The following SAA1 variants were observed in gnomAD, a reference collection of about 807,000 sequenced individuals.
The protein encoded by SAA1 is serum amyloid A-1 protein.
A neutral mutation model predicts 9.8 loss-of-function variants in SAA1; 4 were observed. That is an observed-to-expected ratio of 0.41 (90% CI 0.20 to 0.93). The LOEUF (loss-of-function observed/expected upper bound fraction) is 0.93. SAA1 is among the 40% of genes least tolerant of loss of function. The pLI is 0.33. For synonymous variants in SAA1, 47 were observed against 57.7 expected, an observed-to-expected ratio of 0.82 and a Z score of 0.84; for missense variants, 114 against 155.5, an observed-to-expected ratio of 0.73 and a Z score of 1.42.
intron 2 of SAA1, 52 bp from the exon 3 acceptor site, chr11:18,269,143 T>C: frequency 6.2e-7 from 1 of 1,603,796 alleles, no homozygotes; most frequent in Non-Finnish European, 8.5e-7. Context: ...AAGGTGTTGT[T>C]GGAGTCTTTA....
rs1434768962 is a variant in SAA1 at position 18,268,774 on chromosome 11, G to A, written c.92-421G>A. ...CTTGAACCTGGGAGGTGGAGGTTGC[G>A]ATGAGCTGAGATAGCACCACTGCAC... On this transcript the variant is annotated intron_variant, in intron 2 of 3. Transcript: ENST00000356524. 6.2e-5 allele frequency among the ~76,000 whole-genome samples: 9 copies of A among 144,656 alleles called. No individual in the cohort carries two copies. The South Asian group carries it at 1.6e-3, about 25-fold the overall frequency. 94.9% of individuals were successfully genotyped at this position (144,656 alleles called of 152,430 possible). A position where few individuals can be genotyped will look rare whatever the true frequency, so the allele number is the denominator to read the frequency against.
rs15790 is a variant in SAA1 at position 18,269,765 on chromosome 11, C to A, written c.279C>A (p.Asp93Glu). The change falls in exon 4 of 4, where the codon GAC becomes GAA. Residue 93 changes from aspartate to glutamate, a missense_variant. By Grantham distance (45) the Asp-to-Glu change is conservative. Around this residue, in one of 2 missense-constraint regions of SAA1, gnomAD observed 68 missense variants for 54.7 expected, o/e 1.24. Transcript: ENST00000356524. ...GATTCTTTGGCCATGGTGCGGAGGACTCGCTGGCTGATCAGGCTGCCAATG... is the reference window on the plus strand; with the variant it reads ...GATTCTTTGGCCATGGTGCGGAGGAATCGCTGGCTGATCAGGCTGCCAATG... Reference protein sequence around the residue: ...IQRFFGHGAEDSLADQAANEW... With the variant: ...IQRFFGHGAEESLADQAANEW... 6.2e-7 allele frequency: 1 copy of A among 1,613,844 alleles called. No individual in the cohort carries two copies.
Position 18,269,953 on chromosome 11 carries a change from A to T in SAA1, c.*98A>T, listed in dbSNP as rs1858177915. On this transcript the variant is annotated 3_prime_UTR_variant, in exon 4 of 4. Coordinates refer to ENST00000356524, the MANE Select transcript of SAA1 (RefSeq NM_199161.5). Reference sequence around the variant, plus strand: ...GGTACACAATGGGTATCTAATAAATACTTAAGAGGTGGAATTTGTGGAAAC... The same window carrying T: ...GGTACACAATGGGTATCTAATAAATTCTTAAGAGGTGGAATTTGTGGAAAC... 3 of 1,550,428 alleles carry T rather than the reference A, an allele frequency of 1.9e-6. No homozygotes were observed. The South Asian group carries it at 3.8e-5, about 19-fold the overall frequency.
intron 2 of SAA1, among the ~76,000 whole-genome samples, chr11:18,268,144 A>G (rs1858087644): frequency 6.6e-6 from 1 of 151,102 alleles, no homozygotes; most frequent in African/African-American, 2.4e-5. Flanking sequence ...GCCAAGGTGG[A>G]TGAATCACTT....
At position 18,269,164 on chromosome 11, in the gene SAA1, A is replaced by C. The variant is rs1210119124; in HGVS notation, c.92-31A>C. On this transcript the variant is annotated intron_variant, in intron 2 of 3. Transcript: ENST00000356524. ...TTGTTGGAGTCTTTATGTTCTCCTG[A>C]TGTCCCTTCTGCCTTTCCTTTCCTT... 3 of 1,594,168 alleles carry C rather than the reference A, an allele frequency of 1.9e-6. No homozygotes were observed. In the Admixed American group the frequency reaches 5.6e-5, roughly 30 times the overall value.
rs767975268 is a variant in SAA1 at position 18,266,965 on chromosome 11, C to A, written c.78C>A (p.Gly26=). The change falls in exon 2 of 4, where the codon GGC becomes GGA. Residue 26 remains glycine (G), a synonymous_variant. Coordinates refer to ENST00000356524, the MANE Select transcript of SAA1 (RefSeq NM_199161.5). ...GCCGAAGCTTCTTTTCGTTCCTTGGCGAGGCTTTTGATGGTAAGGCTTCAG... is the reference window on the plus strand; with the variant it reads ...GCCGAAGCTTCTTTTCGTTCCTTGGAGAGGCTTTTGATGGTAAGGCTTCAG... ...VSSRSFFSFL[G]EAFDGARDMW... The A allele has an allele frequency of 6.2e-7, 1 of 1,607,326 alleles. No individual in the cohort carries two copies. The highest frequency in any genetic ancestry group is 8.5e-7 in the Non-Finnish European group (1 of 1,177,988).
At position 18,269,211 on chromosome 11, in the gene SAA1, G is replaced by A. The variant is rs1467909196; in HGVS notation, c.108G>A (p.Trp36Ter). ...GEAFDGARDM[W>*]RAYSDMREAN... ...CCTTTCCAGGGGCTCGGGACATGTG[G>A]AGAGCCTACTCTGACATGAGAGAAG... The change falls in exon 3 of 4, where the codon TGG becomes TGA. Residue 36 changes from tryptophan to a stop codon, truncating the protein, a stop_gained. Coordinates refer to ENST00000356524, the MANE Select transcript of SAA1 (RefSeq NM_199161.5). LOFTEE classifies it high-confidence loss of function. The A allele has an allele frequency of 1.3e-6, 2 of 1,593,596 alleles. No homozygotes were observed. Among genetic ancestry groups the A allele is most frequent in the East Asian group, 4.5e-5 (2 of 44,840 alleles).
chr11:18,269,157 T>C (rs769393970), intron 2 of SAA1, 38 bp from the exon 3 acceptor site: 2 of 1,594,790 alleles, frequency 1.3e-6, no homozygotes, highest in Non-Finnish European at 1.7e-6. Context: ...GTCTTTATGT[T>C]CTCCTGATGT....
In SAA1 at chr11:18,269,833, C is replaced by T. The variant is rs1858171541; in HGVS notation, c.347C>T (p.Ala116Val). The T allele has an allele frequency of 1.2e-6, 2 of 1,614,192 alleles. No homozygotes were observed. Among genetic ancestry groups the T allele is most frequent in the Non-Finnish European group, 1.7e-6 (2 of 1,180,026 alleles). ...AAAGACCCCAATCACTTCCGACCTG[C>T]TGGCCTGCCTGAGAAATACTGAGCT... ...SGKDPNHFRP[A>V]GLPEKY The change falls in exon 4 of 4, where the codon GCT (alanine) becomes GTT (valine). Residue 116 changes from alanine to valine, a missense_variant. Ala to Val is a moderately conservative substitution (Grantham distance 64). This residue lies in a region of SAA1 where 68 missense variants were observed against 54.7 expected (regional missense o/e 1.24). Coordinates refer to ENST00000356524, the MANE Select transcript of SAA1 (RefSeq NM_199161.5).
chr11:18,266,756 T>G, intron 1 of SAA1, 128 bp from the exon 2 acceptor site: 1 of 728,428 alleles, frequency 1.4e-6, no homozygotes, highest in Non-Finnish European at 2.2e-6. Context: ...GCTGCAAGGT[T>G]TCCTAGATGA....
Position 18,269,314 on chromosome 11 carries a change from T to C in SAA1, c.211T>C (p.Trp71Arg), listed in dbSNP as rs11545468. ...TGCCAAAAGGGGACCTGGGGGTGCCTGGGCTGCAGAAGTGATCACGTAACT... is the reference window on the plus strand; with the variant it reads ...TGCCAAAAGGGGACCTGGGGGTGCCCGGGCTGCAGAAGTGATCACGTAACT... ...DAAKRGPGGA[W>R]AAEVITDARE... Residue 71 changes from tryptophan (W) to arginine (R), a missense_variant, in exon 3 of 4, where the codon TGG becomes CGG. Trp to Arg is a moderately radical substitution (Grantham distance 101, BLOSUM62 -3). Transcript: ENST00000356524. 1.3e-6 allele frequency: 2 copies of C among 1,519,046 alleles called. No homozygotes were observed. Among genetic ancestry groups the C allele is most frequent in the South Asian group, 1.3e-5 (1 of 76,242 alleles). 94.1% of individuals were successfully genotyped at this position (1,519,046 alleles called of 1,614,324 possible).
In SAA1 at chr11:18,269,742, T is replaced by C. The variant is rs1059559; in HGVS notation, c.256T>C (p.Phe86Leu). 2.4e-4 allele frequency: 386 copies of C among 1,614,008 alleles called. No homozygotes were observed. In the African/African-American group the frequency reaches 3.8e-3, roughly 16 times the overall value. ...ITDARENIQR[F>L]FGHGAEDSLA... ...CGATGCCAGAGAGAATATCCAGAGA[T>C]TCTTTGGCCATGGTGCGGAGGACTC... is the stretch of plus-strand genomic sequence containing the variant. The change falls in exon 4 of 4, where the codon TTC (phenylalanine) becomes CTC (leucine). Residue 86 changes from phenylalanine (F) to leucine (L), a missense_variant. Physicochemically the swap from Phe to Leu is conservative, Grantham distance 22 (BLOSUM62 0). Transcript: ENST00000356524.
In SAA1 at chr11:18,269,732, T is replaced by A; in HGVS notation, c.246T>A (p.Asn82Lys). 2 of 1,614,018 alleles carry A rather than the reference T, an allele frequency of 1.2e-6. No individual in the cohort carries two copies. The highest frequency in any genetic ancestry group is 1.7e-6 in the Non-Finnish European group (2 of 1,179,874). The change falls in exon 4 of 4, where the codon AAT (asparagine) becomes AAA (lysine). Residue 82 changes from asparagine (N) to lysine (K), a missense_variant. Physicochemically the swap from Asn to Lys is moderately conservative, Grantham distance 94. This residue lies in a region of SAA1 where 68 missense variants were observed against 54.7 expected (regional missense o/e 1.24). Coordinates refer to ENST00000356524, the MANE Select transcript of SAA1 (RefSeq NM_199161.5). ...TTGATTACAGCGATGCCAGAGAGAA[T>A]ATCCAGAGATTCTTTGGCCATGGTG... ...AAEVITDARE[N>K]IQRFFGHGAE...
At chr11:18,268,471 T>C (rs1322994722) in intron 2 of SAA1, among the ~76,000 whole-genome samples, 2 of 152,188 alleles carry the variant, frequency 1.3e-5, no homozygotes, top group African/African-American at 4.8e-5. Flanking sequence ...AGAAAGTATT[T>C]AGGGACTTTT....
intron 2 of SAA1, among the ~76,000 whole-genome samples, chr11:18,268,605 AG>A (rs1858106038): frequency 6.6e-6 from 1 of 152,118 alleles, no homozygotes; most frequent in Non-Finnish European, 1.5e-5. Flanking sequence ...AGGCCAAGGC[AG>A]GGGGATCACG....
chr11:18,269,798 C>A lies in SAA1; in HGVS notation c.312C>A (p.Gly104=), dbSNP rs761619125. The change falls in exon 4 of 4, where the codon GGC becomes GGA. Residue 104 remains glycine (G), a synonymous_variant. Coordinates refer to ENST00000356524, the MANE Select transcript of SAA1 (RefSeq NM_199161.5). ...CTGATCAGGCTGCCAATGAATGGGG[C>A]AGGAGTGGCAAAGACCCCAATCACT... ...SLADQAANEW[G]RSGKDPNHFR... 2.5e-6 allele frequency: 4 copies of A among 1,613,898 alleles called. No homozygotes were observed. The highest frequency in any genetic ancestry group is 3.4e-6 in the Non-Finnish European group (4 of 1,179,998).
chr11:18,268,670 TA>T (rs1298018578), intron 2 of SAA1, among the ~76,000 whole-genome samples: 2 of 151,808 alleles, frequency 1.3e-5, no homozygotes, highest in Non-Finnish European at 1.5e-5. Flanking sequence ...CCGTCTCTAC[TA>T]AAAATACAAA....
rs371021832 is a variant in SAA1 at position 18,268,831 on chromosome 11, TAAAAAAAAAAAAAAA to T, written c.92-346_92-332del. Among the ~76,000 whole-genome samples, 67 of 110,594 alleles carry T rather than the reference TAAAAAAAAAAAAAAA, an allele frequency of 6.1e-4. 1 individual carries two copies. Among genetic ancestry groups the T allele is most frequent in the Non-Finnish European group, 9.4e-4 (51 of 54,016 alleles). The allele number at this position is 110,594 out of a possible 152,430, so 72.6% of individuals were successfully genotyped here. A position where few individuals can be genotyped will look rare whatever the true frequency, so the allele number is the denominator to read the frequency against. On this transcript the variant is annotated intron_variant, in intron 2 of 3. Coordinates refer to ENST00000356524, the MANE Select transcript of SAA1 (RefSeq NM_199161.5). ...CTGGGCGACAGAGCAAGACTCTGTC[TAAAAAAAAAAAAAAA>T]AAAAAAAAAAAAAAAAAGAATATAA... is the stretch of plus-strand genomic sequence containing the variant.
At chr11:18,269,664 C>T (rs535674838) in intron 3 of SAA1, 53 bp from the exon 4 acceptor site, 1 of 1,601,666 alleles carries the variant, frequency 6.2e-7, no homozygotes, top group African/African-American at 1.3e-5. Flanking sequence ...GGAGGGTGGG[C>T]TATTGCTCAC....
Sources: gnomAD v4.1 joint callset for allele counts (sites outside exome capture counted in the v4.1 genomes callset) on GRCh38, gnomAD v4.1.1 for gene constraint, gnomAD v4.1.1 regional missense constraint, MANE v1.5 for transcripts, NCBI Gene and HGNC (gene_info 2026-07-23, HGNC 2026-07-21) for gene names.